CADPS2: variants seen among roughly 807,000 people sequenced by gnomAD.
The protein encoded by CADPS2 is calcium-dependent secretion activator 2.
In CADPS2, 93 loss-of-function variants were observed where a neutral mutation model predicts 172.5. That is an observed-to-expected ratio of 0.54 (90% CI 0.46 to 0.64). CADPS2 has a LOEUF of 0.64. CADPS2 is among the 30% of genes least tolerant of loss of function. The pLI is 0.00. For missense variants in CADPS2, 1,420 were observed against 1,565.9 expected (o/e 0.91, Z 1.57); for synonymous variants, 546 against 555.2 (o/e 0.98, Z 0.23).
intron 1 of CADPS2, among the ~76,000 whole-genome samples, chr7:122,812,023 AT>A (rs550809014): frequency 0.021 from 3,027 of 145,660 alleles, 63 homozygotes; most frequent in Middle Eastern, 0.088. Context: ...GAATTCACCT[AT>A]TTTTTTTTTT....
At chr7:122,376,032 A>C (rs2042303182) in intron 25 of CADPS2, among the ~76,000 whole-genome samples, 1 of 152,178 alleles carries the variant, frequency 6.6e-6, no homozygotes, top group African/African-American at 2.4e-5. Context: ...AATCACAGTG[A>C]GATATTAGCT....
intron 2 of CADPS2, among the ~76,000 whole-genome samples, chr7:122,670,959 GC>G (rs1171076511): frequency 5.4e-4 from 82 of 151,296 alleles, no homozygotes; most frequent in African/African-American, 1.8e-3. Context: ...AGTCCCACAG[GC>G]CTTTTAAAAA....
intron 14 of CADPS2, among the ~76,000 whole-genome samples, chr7:122,455,618 AGAT>A (rs920842363): frequency 1.6e-4 from 24 of 152,300 alleles, no homozygotes; most frequent in South Asian, 6.2e-4. Context: ...ATATTACTTA[AGAT>A]GATAAGAATT....
intron 2 of CADPS2, among the ~76,000 whole-genome samples, chr7:122,735,317 G>A (rs954696585): frequency 3.3e-5 from 5 of 152,014 alleles, no homozygotes; most frequent in Admixed American, 6.6e-5. Flanking sequence ...CTGTCTACAG[G>A]CTAAACACCC....
chr7:122,439,843 G>A (rs3757536), intron 16 of CADPS2, among the ~76,000 whole-genome samples: 39,653 of 151,932 alleles, frequency 0.26, 5,548 homozygotes, highest in East Asian at 0.36. Context: ...AACCACGAAC[G>A]TTACTATTAT....
intron 6 of CADPS2, among the ~76,000 whole-genome samples, chr7:122,583,106 A>C (rs2069076019): frequency 6.6e-6 from 1 of 152,080 alleles, no homozygotes; most frequent in South Asian, 2.1e-4. Flanking sequence ...CTGCTCACTC[A>C]TGGTTCCATG....
rs1195425644 is a variant in CADPS2, at chr7:122,620,841, C to A, written c.1104+640G>T. ...AGGAATTCCCAAATTACAAAGAATT[C>A]AATTATATGTTGAATTGCTATTTCT... On this transcript the variant is annotated intron_variant, in intron 5 of 29. Transcript: ENST00000449022. Among the ~76,000 whole-genome samples, 6 of 152,030 alleles carry A rather than the reference C, an allele frequency of 3.9e-5. No individual in the cohort carries two copies. In the South Asian group the frequency reaches 1.2e-3, roughly 32 times the overall value.
At chr7:122,395,655 A>G (rs2044993613) in intron 20 of CADPS2, 1 of 152,182 alleles carries the variant, frequency 6.6e-6, no homozygotes. Flanking sequence ...ATATACTGAT[A>G]TCTGAATTTA....
intron 6 of CADPS2, chr7:122,585,466 A>C (rs954798634): frequency 1.3e-5 from 2 of 151,004 alleles, no homozygotes; most frequent in Non-Finnish European, 3.0e-5. Flanking sequence ...CAAAGGAAAA[A>C]AAAAAAAAAA....
chr7:122,761,156 T>C (rs62483605), intron 1 of CADPS2, among the ~76,000 whole-genome samples: 36,732 of 152,026 alleles, frequency 0.24, 5,695 homozygotes, highest in East Asian at 0.56. Context: ...CACTGAAGAC[T>C]TCTTCTCTGG....
At chr7:122,436,130 TA>T (rs1296136284) in intron 17 of CADPS2, among the ~76,000 whole-genome samples, 1 of 152,126 alleles carries the variant, frequency 6.6e-6, no homozygotes, top group African/African-American at 2.4e-5. Context: ...ATTTTTATCA[TA>T]AAATATTAAT....
intron 2 of CADPS2, among the ~76,000 whole-genome samples, chr7:122,724,867 T>G (rs1306025210): frequency 6.6e-6 from 1 of 152,092 alleles, no homozygotes; most frequent in Non-Finnish European, 1.5e-5. Flanking sequence ...CTAGTGATTG[T>G]GATCTCTTCT....
intron 2 of CADPS2, among the ~76,000 whole-genome samples, chr7:122,708,974 T>G (rs868624128): frequency 6.6e-6 from 1 of 152,038 alleles, no homozygotes; most frequent in Non-Finnish European, 1.5e-5. Context: ...CGGAACAAAA[T>G]GTATCTTCAT....
chr7:122,752,950 A>C (rs1441310852), intron 1 of CADPS2, among the ~76,000 whole-genome samples: 1 of 152,198 alleles, frequency 6.6e-6, no homozygotes, highest in East Asian at 1.9e-4. Flanking sequence ...AACAAGAAGA[A>C]GATGGAGAAT....
chr7:122,459,063 C>A (rs1460316014), intron 14 of CADPS2, among the ~76,000 whole-genome samples: 1 of 151,724 alleles, frequency 6.6e-6, no homozygotes, highest in African/African-American at 2.4e-5. Flanking sequence ...AATATGCCAA[C>A]CAGAAATAAC....
chr7:122,681,386 T>C (rs2083022768), intron 2 of CADPS2: 4 of 1,495,480 alleles, frequency 2.7e-6, no homozygotes, highest in Admixed American at 3.3e-5. Context: ...TTCGCTGTAC[T>C]AACTGTGCCC....
At chr7:122,508,448 AGTTTTTTTTTT>A (rs2059775870) in intron 9 of CADPS2, among the ~76,000 whole-genome samples, 1 of 108,226 alleles carries the variant, frequency 9.2e-6, no homozygotes, top group African/African-American at 3.4e-5. Context: ...TATTCATTTA[AGTTTTTTTTTT>A]TTTTTTTTTT....
intron 23 of CADPS2, among the ~76,000 whole-genome samples, chr7:122,387,871 A>AT (rs58360988): frequency 0.32 from 48,006 of 151,676 alleles, 7,645 homozygotes; most frequent in East Asian, 0.43. Flanking sequence ...CTAAAGACAG[A>AT]TTTTTTCTTG....
chr7:122,346,773 G>A (rs2037727337), intron 27 of CADPS2, among the ~76,000 whole-genome samples: 1 of 152,184 alleles, frequency 6.6e-6, no homozygotes, highest in South Asian at 2.1e-4. Context: ...GTCAGTACTA[G>A]TAAGGGATAG....
Sources: allele counts gnomAD v4.1 joint callset (sites outside exome capture counted in the v4.1 genomes callset), GRCh38; gene constraint gnomAD v4.1.1; transcripts MANE v1.5; gene names NCBI Gene and HGNC (gene_info 2026-07-23, HGNC 2026-07-21).